Variants in SETX observed in about 807,000 individuals in gnomAD.
SETX encodes senataxin.
A neutral mutation model predicts 227.2 loss-of-function variants in SETX; 90 were observed. That is an observed-to-expected ratio of 0.40 (90% CI 0.33 to 0.47). The LOEUF is 0.47. Among genes scored for constraint, SETX ranks in the 20% least tolerant of loss-of-function variants. SETX has a pLI of 0.91. For missense variants in SETX, 3,052 were observed against 3,181.5 expected, an observed-to-expected ratio of 0.96 and a Z score of 0.98; for synonymous variants, 1,210 against 1,113.2, an observed-to-expected ratio of 1.09 and a Z score of -1.73.
In SETX at chr9:132,297,196, C is replaced by T. The variant is rs1053846934; in HGVS notation, c.5782-142G>A. ...TTATGGTCAGACAAGACAAGGACAC[C>T]AAAGTGACCTTTAATCTAAAAAGCA... On this transcript the variant is annotated intron_variant, in intron 13 of 25. Coordinates refer to ENST00000224140, the MANE Select transcript of SETX (RefSeq NM_015046.7). 32 of 682,300 alleles carry T rather than the reference C, an allele frequency of 4.7e-5. No homozygotes were observed. In the African/African-American group the frequency reaches 5.5e-4, roughly 12 times the overall value. The allele number at this position is 682,300 out of a possible 1,614,324, so 42.3% of individuals were successfully genotyped here. A position where few individuals can be genotyped will look rare whatever the true frequency, so the allele number is the denominator to read the frequency against.
intron 25 of SETX, chr9:132,265,993 C>G (rs1174580481): frequency 6.6e-6 from 1 of 152,058 alleles, no homozygotes; most frequent in Non-Finnish European, 1.5e-5. Flanking sequence ...ATATTAAATC[C>G]CATCGGGAAA....
intron 2 of SETX, among the ~76,000 whole-genome samples, chr9:132,352,711 G>A (rs1027160553): frequency 6.6e-6 from 1 of 152,180 alleles, no homozygotes; most frequent in East Asian, 1.9e-4. Context: ...TAGAACTCCA[G>A]ATATATTCAA....
chr9:132,347,272 C>A lies in SETX; in HGVS notation c.178-801G>T, dbSNP rs371992682. Reference sequence around the variant, plus strand: ...CATCTCAAACAAAAAACCAAACAAACGAAAAAAAACAAGAAAACAAAAAAT... The same window carrying A: ...CATCTCAAACAAAAAACCAAACAAAAGAAAAAAAACAAGAAAACAAAAAAT... On this transcript the variant is annotated intron_variant, in intron 3 of 25. Coordinates refer to ENST00000224140, the MANE Select transcript of SETX (RefSeq NM_015046.7). Among the ~76,000 whole-genome samples the A allele has an allele frequency of 5.3e-5, 8 of 150,746 alleles. No homozygotes were observed. The South Asian group carries it at 1.0e-3, about 20-fold the overall frequency.
At chr9:132,314,180 C>T (rs1216135624) in intron 10 of SETX, among the ~76,000 whole-genome samples, 1 of 152,178 alleles carries the variant, frequency 6.6e-6, no homozygotes, top group Admixed American at 6.5e-5. Flanking sequence ...ACAACCTCCA[C>T]CTCCCAGGTT....
chr9:132,303,221 C>CT (rs1208541251), intron 11 of SETX, among the ~76,000 whole-genome samples: 1 of 150,792 alleles, frequency 6.6e-6, no homozygotes, highest in East Asian at 1.9e-4. Context: ...CAGCGTCTTG[C>CT]TATGTTGCCC....
intron 10 of SETX, among the ~76,000 whole-genome samples, chr9:132,320,710 GA>G (rs1267412740): frequency 2.0e-5 from 3 of 148,164 alleles, no homozygotes; most frequent in South Asian, 2.1e-4. Flanking sequence ...TGGTTAAAAA[GA>G]AAGGTGTAAC....
At chr9:132,304,071 C>T (rs1845184275) in intron 11 of SETX, among the ~76,000 whole-genome samples, 1 of 152,108 alleles carries the variant, frequency 6.6e-6, no homozygotes, top group Admixed American at 6.6e-5. Flanking sequence ...AGCCACTGCA[C>T]TCCAGGCTGG....
chr9:132,338,162 G>C (rs891667789), intron 5 of SETX, among the ~76,000 whole-genome samples: 161 of 150,582 alleles, frequency 1.1e-3, no homozygotes, highest in African/African-American at 3.8e-3. Context: ...CACCATCTCG[G>C]CTCACTGCAA....
intron 20 of SETX, among the ~76,000 whole-genome samples, chr9:132,278,567 G>A (rs776794940): frequency 6.9e-6 from 1 of 144,972 alleles, no homozygotes; most frequent in African/African-American, 2.5e-5. Flanking sequence ...CGATTCTCAT[G>A]TCTCTGGCCT....
At chr9:132,276,135 C>T (rs1451543721) in intron 22 of SETX, among the ~76,000 whole-genome samples, 2 of 152,170 alleles carry the variant, frequency 1.3e-5, no homozygotes, top group African/African-American at 2.4e-5. Context: ...CTACCTTACC[C>T]GCCTTGCTTT....
rs1485995233 is a variant in SETX at position 132,283,347 on chromosome 9, A to G, written c.6463T>C (p.Leu2155=). The G allele has an allele frequency of 1.2e-6, 2 of 1,614,218 alleles. No individual in the cohort carries two copies. Among genetic ancestry groups the G allele is most frequent in the East Asian group, 4.5e-5 (2 of 44,874 alleles). The change falls in exon 19 of 26, where the codon TTG becomes CTG. Residue 2155 remains leucine (L), a synonymous_variant. Transcript: ENST00000224140. ...AGTAGTAAACCACCACTTGTGCTCAACGTGCAGCAGATGATATGGGACTCT... is the reference window on the plus strand; with the variant it reads ...AGTAGTAAACCACCACTTGTGCTCAGCGTGCAGCAGATGATATGGGACTCT... ...ILESHIICCT[L]STSGGLLLES...
At chr9:132,352,265 T>G (rs1258069046) in intron 2 of SETX, among the ~76,000 whole-genome samples, 2 of 152,206 alleles carry the variant, frequency 1.3e-5, no homozygotes, top group Non-Finnish European at 2.9e-5. Context: ...ACACCATTTT[T>G]TGGACACCAC....
chr9:132,333,070 T>C (rs1379824778), intron 7 of SETX, among the ~76,000 whole-genome samples: 5 of 151,390 alleles, frequency 3.3e-5, no homozygotes, highest in South Asian at 2.1e-4. Flanking sequence ...GCCTCAGACA[T>C]AATCTAGCAA....
At chr9:132,269,406 G>A (rs1842792716) in intron 25 of SETX, 1 of 1,556,142 alleles carries the variant, frequency 6.4e-7, no homozygotes, top group African/African-American at 1.4e-5. Context: ...TGGTCACCTT[G>A]AGAGCCCAGT....
At chr9:132,289,315 C>T (rs2131251465) in intron 15 of SETX, among the ~76,000 whole-genome samples, 1 of 152,356 alleles carries the variant, frequency 6.6e-6, no homozygotes, top group South Asian at 2.1e-4. Context: ...TAAGTTTATA[C>T]TGCTTCAGCA....
intron 2 of SETX, among the ~76,000 whole-genome samples, chr9:132,350,910 A>G (rs972778225): frequency 5.9e-5 from 9 of 151,342 alleles, no homozygotes; most frequent in Admixed American, 2.0e-4. Flanking sequence ...CGTGGGGGGG[A>G]AAAAGAGTAT....
chr9:132,275,054 A>T, intron 23 of SETX: 1 of 585,732 alleles, frequency 1.7e-6, no homozygotes, highest in Non-Finnish European at 3.0e-6. Context: ...GAATGTTGAC[A>T]TTCCAACTGC....
intron 11 of SETX, among the ~76,000 whole-genome samples, chr9:132,301,334 G>A (rs188496361): frequency 8.5e-4 from 129 of 151,996 alleles, no homozygotes; most frequent in African/African-American, 2.9e-3. Flanking sequence ...TGATCCGCCC[G>A]CCTCAGCCTC....
At chr9:132,268,728 A>G (rs1050887201) in intron 25 of SETX, among the ~76,000 whole-genome samples, 2 of 152,244 alleles carry the variant, frequency 1.3e-5, no homozygotes, top group East Asian at 1.9e-4. Context: ...GTCAATATTG[A>G]TAATACATCA....
Sources: gnomAD v4.1 joint callset for allele counts (sites outside exome capture counted in the v4.1 genomes callset) on GRCh38, gnomAD v4.1.1 for gene constraint, MANE v1.5 for transcripts, NCBI Gene and HGNC (gene_info 2026-07-23, HGNC 2026-07-21) for gene names.